The following NRG4 variants were observed in gnomAD, a reference collection of about 807,000 sequenced individuals.
NRG4 encodes the protein pro-neuregulin-4, membrane-bound isoform.
A neutral mutation model predicts 15.0 loss-of-function variants in NRG4; 10 were observed. That is an observed-to-expected ratio of 0.67 (90% CI 0.41 to 1.13). The LOEUF is 1.13. NRG4 is among the 50% of genes most tolerant of loss of function. The pLI, the probability that NRG4 is intolerant of heterozygous loss-of-function variation, is 0.00. For synonymous variants in NRG4, 41 were observed against 50.1 expected (o/e 0.82, Z 0.77); for missense variants, 139 against 140.2 (o/e 0.99, Z 0.04).
intron 3 of NRG4, among the ~76,000 whole-genome samples, chr15:75,965,099 G>A (rs1166891244): frequency 4.0e-5 from 6 of 151,786 alleles, no homozygotes; most frequent in African/African-American, 9.7e-5. Context: ...GGTGGCGGGC[G>A]CCTGCAGTCC....
intron 3 of NRG4, among the ~76,000 whole-genome samples, chr15:75,965,080 G>T (rs2032731674): frequency 6.6e-6 from 1 of 151,940 alleles, no homozygotes; most frequent in Non-Finnish European, 1.5e-5. Context: ...AAAAAAATTA[G>T]CTGGGCATGG....
At chr15:75,970,112 A>G (rs2033021951) in intron 3 of NRG4, among the ~76,000 whole-genome samples, 1 of 152,216 alleles carries the variant, frequency 6.6e-6, no homozygotes, top group Non-Finnish European at 1.5e-5. Flanking sequence ...AGTCTATCTT[A>G]ACCATTTGAT....
chr15:76,039,275 G>A (rs1475562614), intron 4 of NRG4, among the ~76,000 whole-genome samples: 2 of 152,082 alleles, frequency 1.3e-5, no homozygotes, highest in African/African-American at 4.8e-5. Context: ...ACTAAATAAG[G>A]TGCGAGGCCA....
At chr15:75,952,674 C>T (rs561798326) in intron 5 of NRG4, among the ~76,000 whole-genome samples, 12 of 151,688 alleles carry the variant, frequency 7.9e-5, no homozygotes, top group Non-Finnish European at 1.3e-4. Flanking sequence ...TCCTCCACTG[C>T]GGCCTCCCAA....
chr15:76,018,175 T>C (rs1567113449), intron 5 of NRG4, among the ~76,000 whole-genome samples: 1 of 152,202 alleles, frequency 6.6e-6, no homozygotes, highest in African/African-American at 2.4e-5. Flanking sequence ...TTCAGCTCAA[T>C]CAGGTCACTT....
intron 3 of NRG4, among the ~76,000 whole-genome samples, chr15:75,987,486 G>T (rs2033839173): frequency 6.8e-6 from 1 of 147,152 alleles, no homozygotes; most frequent in Non-Finnish European, 1.5e-5. Flanking sequence ...GCCTTTTGGG[G>T]GTCATGAGGG....
intron 4 of NRG4, among the ~76,000 whole-genome samples, chr15:76,051,172 A>AT (rs1448039052): frequency 2.7e-5 from 4 of 147,212 alleles, no homozygotes; most frequent in African/African-American, 1.0e-4. Flanking sequence ...CGCCCGGCTA[A>AT]TTTTTTGTAT....
rs564351313 is a variant in NRG4, at chr15:75,943,748, T to C, written c.332-94A>G. On this transcript the variant is annotated intron_variant, in intron 5 of 5. Transcript: ENST00000394907. ...ACATGTCTCTTATCTTCTTCACATA[T>C]ATAAGCCAACCCCTTCTGTTTGTGA... 14 of 808,144 alleles carry C rather than the reference T, an allele frequency of 1.7e-5. No homozygotes were observed. The South Asian group carries it at 1.9e-4, about 11-fold the overall frequency. The allele number at this position is 808,144 out of a possible 1,614,324, so 50.1% of individuals were successfully genotyped here.
chr15:76,039,535 T>G (rs1194646562), intron 4 of NRG4, among the ~76,000 whole-genome samples: 1 of 152,152 alleles, frequency 6.6e-6, no homozygotes, highest in Non-Finnish European at 1.5e-5. Flanking sequence ...ACAGAATTTG[T>G]GAGCTTGAAG....
At chr15:76,003,627 A>C (rs2034492227) in intron 3 of NRG4, among the ~76,000 whole-genome samples, 1 of 152,238 alleles carries the variant, frequency 6.6e-6, no homozygotes, top group South Asian at 2.1e-4. Flanking sequence ...AGAGACCCAT[A>C]ATGAGACATG....
chr15:75,955,946 G>A lies in NRG4; in HGVS notation c.317C>T (p.Thr106Ile). Residue 106 changes from threonine (T) to isoleucine (I), a missense_variant, in exon 5 of 6, where the codon ACC (threonine) becomes ATC (isoleucine). Physicochemically the swap from Thr to Ile is moderately conservative, Grantham distance 89 (BLOSUM62 -1). Transcript: ENST00000394907. ...YDINLVETSS[T>I]SAHHSHEQH ...AGTTTACTCACTGTGGTGGGCACTG[G>A]TACTGCTCGTCTCTACCAGGTTGAT... 6.2e-7 allele frequency: 1 copy of A among 1,602,988 alleles called. No homozygotes were observed.
rs184472446 is a variant in NRG4, at chr15:76,024,228, C to T, written c.-57+11716G>A. On this transcript the variant is annotated intron_variant, in intron 5 of 8. Coordinates refer to the NRG4 transcript ENST00000563910. ...CAGGCTGACTGAGTAGCTGTATGTC[C>T]ACTTCCTAGGCCTGAGAAATAGCCC... 2.1e-3 allele frequency among the ~76,000 whole-genome samples: 317 copies of T among 152,348 alleles called. 1 individual carries two copies. Among genetic ancestry groups the T allele is most frequent in the Non-Finnish European group, 3.5e-3 (241 of 68,032 alleles).
chr15:75,940,408 C>T (rs1245177137), downstream of NRG4: 3 of 150,462 alleles, frequency 2.0e-5, no homozygotes, highest in African/African-American at 7.3e-5. Context: ...CAGTACTACT[C>T]AAAGTGATGT....
intron 5 of NRG4, among the ~76,000 whole-genome samples, chr15:76,029,726 A>G (rs2035420919): frequency 6.6e-6 from 1 of 152,224 alleles, no homozygotes; most frequent in African/African-American, 2.4e-5. Flanking sequence ...CCAAAGAAGT[A>G]AAGGATCCCT....
intron 1 of NRG4, among the ~76,000 whole-genome samples, chr15:76,011,734 C>T (rs1209445035): frequency 6.6e-6 from 1 of 152,116 alleles, no homozygotes; most frequent in Non-Finnish European, 1.5e-5. Context: ...CTATGCAAAC[C>T]TTTCTTCTAA....
At position 75,977,196 on chromosome 15, in the gene NRG4, C is replaced by T. The variant is rs1039606512; in HGVS notation, c.105-15222G>A. On this transcript the variant is annotated intron_variant, in intron 3 of 5. Coordinates refer to ENST00000394907, the MANE Select transcript of NRG4 (RefSeq NM_138573.4). This position sits in a 1 kb window ranked among gnomAD's most constrained non-coding sequence, Gnocchi z 4.9. ...CCAACCAAGACTGAGCATCCCAGGTCGACTTCAGACTGCTGTGCTGGCAGC... is the reference window on the plus strand; with the variant it reads ...CCAACCAAGACTGAGCATCCCAGGTTGACTTCAGACTGCTGTGCTGGCAGC... Among the ~76,000 whole-genome samples the T allele has an allele frequency of 6.6e-5, 10 of 152,174 alleles. No individual in the cohort carries two copies. The highest frequency in any genetic ancestry group is 2.1e-4 in the South Asian group (1 of 4,830).
At chr15:75,983,754 T>A (rs2033691529) in intron 3 of NRG4, among the ~76,000 whole-genome samples, 1 of 151,984 alleles carries the variant, frequency 6.6e-6, no homozygotes, top group Admixed American at 6.6e-5. Context: ...ACAAACAAAA[T>A]GATGAAATAA....
chr15:75,955,793 A>C lies in NRG4; in HGVS notation c.331+139T>G, dbSNP rs543090046. 47 of 84,954 alleles carry C rather than the reference A, an allele frequency of 5.5e-4. 1 individual carries two copies. In the South Asian group the frequency reaches 9.2e-3, roughly 17 times the overall value. 5.3% of individuals were successfully genotyped at this position (84,954 alleles called of 1,614,324 possible). ...TTTATGTGAAAAAGGGTACCTGGCCAAAAAAAAAAAAAAAAACCCATAGAA... is the reference window on the plus strand; with the variant it reads ...TTTATGTGAAAAAGGGTACCTGGCCCAAAAAAAAAAAAAAAACCCATAGAA... On this transcript the variant is annotated intron_variant, in intron 5 of 5. Transcript: ENST00000394907.
intron 4 of NRG4, among the ~76,000 whole-genome samples, chr15:75,958,318 CACTT>C (rs2032346578): frequency 6.6e-6 from 1 of 152,108 alleles, no homozygotes; most frequent in Non-Finnish European, 1.5e-5. Flanking sequence ...GGCCACCTCT[CACTT>C]ATTTTTTGAT....
Sources: allele counts gnomAD v4.1 joint callset (sites outside exome capture counted in the v4.1 genomes callset), GRCh38; gene constraint gnomAD v4.1.1; non-coding constraint Gnocchi (gnomAD v3.1); transcripts MANE v1.5; gene names NCBI Gene and HGNC (gene_info 2026-07-23, HGNC 2026-07-21).